The following MAN1C1 variants were observed in gnomAD, a reference collection of about 807,000 sequenced individuals.
The protein encoded by MAN1C1 is mannosyl-oligosaccharide 1,2-alpha-mannosidase IC.
A neutral mutation model predicts 71.5 loss-of-function variants in MAN1C1; 49 were observed. The observed-to-expected ratio is 0.69, with a 90% CI of 0.54 to 0.87. MAN1C1 has a LOEUF of 0.87. Ranked by LOEUF, MAN1C1 falls within the 40% of genes least tolerant of loss-of-function variation. The pLI is 0.00. For synonymous variants in MAN1C1, 352 were observed against 343.7 expected, an observed-to-expected ratio of 1.02 and a Z score of -0.27; for missense variants, 743 against 835.0, an observed-to-expected ratio of 0.89 and a Z score of 1.36.
At chr1:25,716,228 T>A (rs2046678759) in intron 2 of MAN1C1, among the ~76,000 whole-genome samples, 1 of 152,230 alleles carries the variant, frequency 6.6e-6, no homozygotes, top group Non-Finnish European at 1.5e-5. Flanking sequence ...TGCTTCTGTT[T>A]CTATGGAAAT....
At chr1:25,724,103 G>A (rs566272165) in intron 2 of MAN1C1, among the ~76,000 whole-genome samples, 30 of 149,074 alleles carry the variant, frequency 2.0e-4, no homozygotes, top group Non-Finnish European at 2.7e-4. Context: ...ATCTCGGCTC[G>A]CTGCAACCTC....
At chr1:25,689,910 A>G (rs1298494614) in intron 2 of MAN1C1, among the ~76,000 whole-genome samples, 7 of 152,150 alleles carry the variant, frequency 4.6e-5, no homozygotes, top group Non-Finnish European at 7.4e-5. Context: ...CAGGGCTGGC[A>G]GGGCTGTGTG....
rs571592357 is a variant in MAN1C1, at chr1:25,621,911, G to A, written c.540+3574G>A. Among the ~76,000 whole-genome samples the A allele has an allele frequency of 2.6e-5, 4 of 152,240 alleles. No individual in the cohort carries two copies. The South Asian group carries it at 8.3e-4, about 32-fold the overall frequency. On this transcript the variant is annotated intron_variant, in intron 1 of 11. Coordinates refer to ENST00000374332, the MANE Select transcript of MAN1C1 (RefSeq NM_020379.4). Reference sequence around the variant, plus strand: ...CCCAAAGTGCTGAGATTACAGGCACGAGCCACCGCGCCTGGCCAGTGCTTG... The same window carrying A: ...CCCAAAGTGCTGAGATTACAGGCACAAGCCACCGCGCCTGGCCAGTGCTTG...
At position 25,675,592 on chromosome 1, in the gene MAN1C1, G is replaced by T. The variant is rs368637081; in HGVS notation, c.541-10848G>T. Among the ~76,000 whole-genome samples the T allele has an allele frequency of 6.7e-4, 96 of 143,984 alleles. 2 individuals carry two copies. Among genetic ancestry groups the T allele is most frequent in the South Asian group, 5.4e-3 (23 of 4,236 alleles). The allele number at this position is 143,984 out of a possible 152,430, so 94.5% of individuals were successfully genotyped here. ...TATAATGACTTATTTTGCGGGGGGG[G>T]GGGGAGGTGGTTACCCAGTGTGGGA... is the stretch of plus-strand genomic sequence containing the variant. On this transcript the variant is annotated intron_variant, in intron 1 of 11. Coordinates refer to ENST00000374332, the MANE Select transcript of MAN1C1 (RefSeq NM_020379.4).
chr1:25,674,341 A>G (rs1044739729), intron 1 of MAN1C1, among the ~76,000 whole-genome samples: 1 of 152,150 alleles, frequency 6.6e-6, no homozygotes, highest in African/African-American at 2.4e-5. Context: ...CACCATCCTT[A>G]GTCATTTAAT....
At chr1:25,639,238 A>G (rs2045505848) in intron 1 of MAN1C1, among the ~76,000 whole-genome samples, 1 of 152,054 alleles carries the variant, frequency 6.6e-6, no homozygotes, top group Non-Finnish European at 1.5e-5. Context: ...CCATCTGTTC[A>G]CTGATTGTTT....
intron 1 of MAN1C1, among the ~76,000 whole-genome samples, chr1:25,664,092 G>A (rs892516587): frequency 3.9e-5 from 6 of 152,148 alleles, no homozygotes; most frequent in African/African-American, 1.2e-4. Context: ...ATTCCCCATA[G>A]AGACTAGGTT....
intron 11 of MAN1C1, among the ~76,000 whole-genome samples, chr1:25,783,316 G>A (rs957214117): frequency 6.6e-5 from 10 of 152,248 alleles, no homozygotes; most frequent in African/African-American, 2.2e-4. Context: ...GGGCAGCAGC[G>A]GGGCACGTGA....
chr1:25,647,688 C>T (rs1380830008), intron 1 of MAN1C1, among the ~76,000 whole-genome samples: 1 of 152,184 alleles, frequency 6.6e-6, no homozygotes, highest in Non-Finnish European at 1.5e-5. Context: ...CTTTTATTTG[C>T]TCCCAGTGGT....
intron 1 of MAN1C1, among the ~76,000 whole-genome samples, chr1:25,642,527 A>C (rs1046561342): frequency 6.6e-6 from 1 of 152,180 alleles, no homozygotes; most frequent in Non-Finnish European, 1.5e-5. Flanking sequence ...TAGTGTGAGA[A>C]TCCTCCCCAG....
At chr1:25,635,960 G>A (rs939769746) in intron 1 of MAN1C1, among the ~76,000 whole-genome samples, 3 of 152,230 alleles carry the variant, frequency 2.0e-5, no homozygotes, top group South Asian at 4.1e-4. Flanking sequence ...TTTTACAGCC[G>A]GGCCTCCGGG....
At position 25,661,003 on chromosome 1, in the gene MAN1C1, T is replaced by C. The variant is rs78894914; in HGVS notation, c.541-25437T>C. 5.3e-5 allele frequency among the ~76,000 whole-genome samples: 8 copies of C among 152,344 alleles called. No homozygotes were observed. In the East Asian group the frequency reaches 1.5e-3, roughly 29 times the overall value. ...ACCATGCCTGGCCAAAAGTGTGTCATTGTAAATGACAGTATTCAAAACTTA... is the reference window on the plus strand; with the variant it reads ...ACCATGCCTGGCCAAAAGTGTGTCACTGTAAATGACAGTATTCAAAACTTA... On this transcript the variant is annotated intron_variant, in intron 1 of 11. Coordinates refer to ENST00000374332, the MANE Select transcript of MAN1C1 (RefSeq NM_020379.4).
Position 25,749,270 on chromosome 1 carries a change from T to C in MAN1C1, c.769T>C (p.Leu257=), listed in dbSNP as rs756797940. 6.2e-7 allele frequency: 1 copy of C among 1,612,496 alleles called. No individual in the cohort carries two copies. Among genetic ancestry groups the C allele is most frequent in the Non-Finnish European group, 8.5e-7 (1 of 1,179,296 alleles). ...FHLNVSGEAS[L]FEVNIRYIGG... ...TGTCCTGCAGAGCGGAGAAGCATCC[T>C]TGTTTGAGGTGAACATCCGCTACAT... The change falls in exon 4 of 12, where the codon TTG becomes CTG. Residue 257 remains leucine (L), a synonymous_variant. Transcript: ENST00000374332.
rs187718690 is a variant in MAN1C1, at chr1:25,772,307, G to A, written c.1257+535G>A. The A allele has an allele frequency of 6.3e-3, 992 of 156,494 alleles. 5 individuals carry two copies. Among genetic ancestry groups the A allele is most frequent in the South Asian group, 0.023 (114 of 5,066 alleles). The allele number at this position is 156,494 out of a possible 1,614,324, so 9.7% of individuals were successfully genotyped here. A position where few individuals can be genotyped will look rare whatever the true frequency, so the allele number is the denominator to read the frequency against. On this transcript the variant is annotated intron_variant, in intron 8 of 11. Transcript: ENST00000374332. ...GAAACCAAGGCCTAGAGAGGGGAAG[G>A]CACTTGCCCAAGGCCACACAGCACA...
At chr1:25,727,726 G>A (rs2124292472) in intron 2 of MAN1C1, among the ~76,000 whole-genome samples, 2 of 152,360 alleles carry the variant, frequency 1.3e-5, no homozygotes, top group South Asian at 4.1e-4. Flanking sequence ...GGGAGTGTGG[G>A]ATGCTTAGGA....
At chr1:25,630,053 G>A (rs2045356289) in intron 1 of MAN1C1, among the ~76,000 whole-genome samples, 1 of 152,026 alleles carries the variant, frequency 6.6e-6, no homozygotes, top group African/African-American at 2.4e-5. Context: ...GACTCATCCT[G>A]AGTTTTTTTT....
intron 2 of MAN1C1, among the ~76,000 whole-genome samples, chr1:25,744,425 G>A (rs1183234709): frequency 6.6e-6 from 1 of 152,142 alleles, no homozygotes; most frequent in Non-Finnish European, 1.5e-5. Flanking sequence ...AAACAGGGAA[G>A]CCATCCCAGG....
At chr1:25,669,383 A>G (rs964275169) in intron 1 of MAN1C1, among the ~76,000 whole-genome samples, 3 of 152,136 alleles carry the variant, frequency 2.0e-5, no homozygotes, top group Admixed American at 6.5e-5. Flanking sequence ...TGGGCTCAAT[A>G]CTTGCTTCTG....
chr1:25,771,234 C>T (rs2047546689), intron 7 of MAN1C1, among the ~76,000 whole-genome samples: 1 of 152,252 alleles, frequency 6.6e-6, no homozygotes, highest in Admixed American at 6.5e-5. Flanking sequence ...TTTTCTTCCT[C>T]TTTCCCGTGG....
Sources: allele counts gnomAD v4.1 joint callset (sites outside exome capture counted in the v4.1 genomes callset), GRCh38; gene constraint gnomAD v4.1.1; transcripts MANE v1.5; gene names NCBI Gene and HGNC (gene_info 2026-07-23, HGNC 2026-07-21).